LCN12: variants seen among roughly 807,000 people sequenced by gnomAD.
LCN12 encodes lipocalin 12.
LCN12 carries 15 observed loss-of-function variants against 23.7 expected under a neutral mutation model. The observed-to-expected ratio is 0.63, with a 90% confidence interval of 0.42 to 0.97. The LOEUF is 0.97. LCN12 is among the 50% of genes least tolerant of loss of function. The probability of loss-of-function intolerance (pLI) is 0.00; values close to 1 mark genes in which losing one functional copy is unlikely to be tolerated. For missense variants in LCN12, 219 were observed against 249.6 expected, an observed-to-expected ratio of 0.88 and a Z score of 0.83; for synonymous variants, 116 against 111.5, an observed-to-expected ratio of 1.04 and a Z score of -0.25.
At chr9:136,953,657 C>A in intron 2 of LCN12, 43 bp from the exon 3 acceptor site, 1 of 1,457,446 alleles carries the variant, frequency 6.9e-7, no homozygotes, top group East Asian at 2.4e-5. Flanking sequence ...CATGGACCTG[C>A]CAGCTTCCGG....
In LCN12 at chr9:136,954,269, C is replaced by T. The variant is rs1160169899; in HGVS notation, c.550+14C>T. On this transcript the variant is annotated intron_variant, in intron 5 of 5. Coordinates refer to ENST00000371633, the MANE Select transcript of LCN12 (RefSeq NM_178536.4). ...CAGATGTGACTGGTAACATGGTTCA[C>T]CTGCAGGCATGCTGGGCAGTAGGCA... is the stretch of plus-strand genomic sequence containing the variant. 6.4e-7 allele frequency: 1 copy of T among 1,558,050 alleles called. No individual in the cohort carries two copies. The highest frequency in any genetic ancestry group is 1.9e-5 in the Admixed American group (1 of 52,180).
rs45537436 is a variant in LCN12, at chr9:136,954,062, A to G, written c.449-92A>G. 253 of 1,533,130 alleles carry G rather than the reference A, an allele frequency of 1.7e-4. 1 individual carries two copies. The highest frequency in any genetic ancestry group is 2.0e-4 in the Non-Finnish European group (225 of 1,138,972). The allele number at this position is 1,533,130 out of a possible 1,614,324, so 95.0% of individuals were successfully genotyped here. On this transcript the variant is annotated intron_variant, in intron 4 of 5. Transcript: ENST00000371633. ...CTGCCTCCCCACCCCGCCTGGAGTG[A>G]CTTGGGGGTACAGATAGTTCAATCT...
intron 5 of LCN12, 79 bp downstream of exon 5, chr9:136,954,334 C>A: frequency 6.8e-7 from 1 of 1,461,970 alleles, no homozygotes; most frequent in African/African-American, 1.4e-5. Context: ...CCTAGAGGAG[C>A]TGGACCCAGT....
At position 136,953,048 on chromosome 9, in the gene LCN12, G is replaced by A. The variant is rs34635210; in HGVS notation, c.251+20G>A. 0.15 allele frequency: 234,295 copies of A among 1,612,744 alleles called. 18,168 individuals carry two copies. The highest frequency in any genetic ancestry group is 0.18 in the African/African-American group (13,452 of 75,018). On this transcript the variant is annotated intron_variant, in intron 2 of 5. Coordinates refer to ENST00000371633, the MANE Select transcript of LCN12 (RefSeq NM_178536.4). ...GACTCGGTGAGTGGCTGTCCCTGCC[G>A]TTCCAAGCGGGTGAGGAGGATCCCG...
chr9:136,955,502 C>A (rs1851302488), downstream of LCN12: 5 of 1,274,004 alleles, frequency 3.9e-6, no homozygotes, highest in Non-Finnish European at 5.6e-6. Context: ...CCCAGAGCCC[C>A]AGAGTGTGAC....
upstream of LCN12, chr9:136,952,260 G>T: frequency 9.2e-7 from 1 of 1,085,966 alleles, no homozygotes; most frequent in Non-Finnish European, 1.4e-6. Flanking sequence ...ATGAAGAGGT[G>T]GGTCTCTGGG....
intron 5 of LCN12, 104 bp downstream of exon 5, chr9:136,954,359 C>A: frequency 1.5e-6 from 2 of 1,317,602 alleles, no homozygotes; most frequent in Non-Finnish European, 1.1e-6. Context: ...ACCCAGGGAG[C>A]TCAGCCCCAG....
chr9:136,956,411 A>G (rs1851318708), downstream of LCN12, among the ~76,000 whole-genome samples: 1 of 152,162 alleles, frequency 6.6e-6, no homozygotes, highest in South Asian at 2.1e-4. Context: ...CAGATTCTGG[A>G]ACTGGAAGAC....
Position 136,953,752 on chromosome 9 carries a change from G to A in LCN12, c.304G>A (p.Gly102Arg). The stretch of plus-strand genomic sequence containing the variant: ...TGTGCTGATACCGGCAGCCCAGCCT[G>A]GGCAGTTCACTGTGGACCACGGTGT... Reference protein sequence around the residue: ...SYVLIPAAQPGQFTVDHGVEP... With the variant: ...SYVLIPAAQPRQFTVDHGVEP... The change falls in exon 3 of 6, where the codon GGG (glycine) becomes AGG (arginine). Residue 102 changes from glycine (G) to arginine (R), a missense_variant. By Grantham distance (125) the Gly-to-Arg change is moderately radical. Transcript: ENST00000371633. 1 of 1,606,324 alleles carries A rather than the reference G, an allele frequency of 6.2e-7. No individual in the cohort carries two copies. The highest frequency in any genetic ancestry group is 8.5e-7 in the Non-Finnish European group (1 of 1,176,802).
intron 1 of LCN12, 45 bp from the exon 2 acceptor site, chr9:136,952,845 CTG>C: frequency 1.9e-5 from 30 of 1,589,978 alleles, no homozygotes; most frequent in Non-Finnish European, 2.6e-5. Flanking sequence ...ACCCTGCCCA[CTG>C]CCACCCCTGC....
At chr9:136,952,863 G>A (rs762652251) in intron 1 of LCN12, 29 bp from the exon 2 acceptor site, 18 of 1,026,842 alleles carry the variant, frequency 1.8e-5, no homozygotes, top group South Asian at 7.5e-5. Flanking sequence ...CCTGCCCACC[G>A]CCGCCCCTGC....
chr9:136,954,475 C>T, intron 5 of LCN12: 1 of 656,812 alleles, frequency 1.5e-6, no homozygotes, highest in African/African-American at 1.8e-5. Flanking sequence ...TCCTCCCACC[C>T]CGGGTCTCCT....
chr9:136,953,719 T>A lies in LCN12; in HGVS notation c.271T>A (p.Trp91Arg). 1 of 1,599,844 alleles carries A rather than the reference T, an allele frequency of 6.3e-7. No individual in the cohort carries two copies. Among genetic ancestry groups the A allele is most frequent in the Non-Finnish European group, 8.5e-7 (1 of 1,173,356 alleles). Residue 91 changes from tryptophan (W) to arginine (R), a missense_variant, in exon 3 of 6, where the codon TGG becomes AGG. By Grantham distance (101) the Trp-to-Arg change is moderately radical (BLOSUM62 -3). Transcript: ENST00000371633. ...AMTRGQHCDT[W>R]SYVLIPAAQP... ...CTACAGAGGCCAGCACTGTGACACA[T>A]GGTCTTATGTGCTGATACCGGCAGC...
At chr9:136,952,511 C>A in intron 1 of LCN12, 70 bp downstream of exon 1, 1 of 1,138,542 alleles carries the variant, frequency 8.8e-7, no homozygotes, top group South Asian at 1.4e-5. Context: ...GGTGGCTGAG[C>A]AGGCCTGGGG....
At chr9:136,954,359 C>T (rs1218590119) in intron 5 of LCN12, 104 bp downstream of exon 5, 1 of 1,317,606 alleles carries the variant, frequency 7.6e-7, no homozygotes, top group Non-Finnish European at 1.1e-6. Context: ...ACCCAGGGAG[C>T]TCAGCCCCAG....
intron 1 of LCN12, 74 bp downstream of exon 1, chr9:136,952,515 C>A: frequency 1.9e-6 from 2 of 1,063,582 alleles, no homozygotes; most frequent in Non-Finnish European, 2.8e-6. Context: ...GCTGAGCAGG[C>A]CTGGGGATGC....
chr9:136,955,745 T>C (rs2131382175), downstream of LCN12, among the ~76,000 whole-genome samples: 1 of 152,358 alleles, frequency 6.6e-6, no homozygotes, highest in South Asian at 2.1e-4. Context: ...TCCCTGCCCC[T>C]TGGGCCCTTG....
intron 5 of LCN12, chr9:136,954,694 C>G (rs1301806587): frequency 7.8e-7 from 1 of 1,290,106 alleles, no homozygotes; most frequent in Non-Finnish European, 1.0e-6. Context: ...TCACCCATCC[C>G]TGCTCACAAG....
chr9:136,955,963 G>C (rs1851312934), downstream of LCN12, among the ~76,000 whole-genome samples: 1 of 152,188 alleles, frequency 6.6e-6, no homozygotes, highest in Non-Finnish European at 1.5e-5. Context: ...CCAGGCCTGG[G>C]AGAGGGGAGG....
Sources: allele counts gnomAD v4.1 joint callset (sites outside exome capture counted in the v4.1 genomes callset), GRCh38; gene constraint gnomAD v4.1.1; transcripts MANE v1.5; gene names NCBI Gene and HGNC (gene_info 2026-07-23, HGNC 2026-07-21).